Variants in LRP1 observed in about 807,000 individuals in gnomAD.
LRP1 encodes the protein LDL receptor related protein 1, also known as prolow-density lipoprotein receptor-related protein 1.
In LRP1, 51 loss-of-function variants were observed where a neutral mutation model predicts 541.5. The ratio of observed to expected loss-of-function variants is 0.09; its 90% CI spans 0.08 to 0.12. LRP1 has a LOEUF of 0.12. LRP1 is among the 10% of genes least tolerant of loss of function. The pLI, the probability that LRP1 is intolerant of heterozygous loss-of-function variation, is 1.00. For missense variants in LRP1, 3,878 were observed against 6,376.2 expected (o/e 0.61, Z 13.34); for synonymous variants, 2,219 against 2,470.8 (o/e 0.90, Z 3.02).
In LRP1 at chr12:57,210,329, C is replaced by T; in HGVS notation, c.12603C>T (p.Asn4201=). 2 of 1,572,292 alleles carry T rather than the reference C, an allele frequency of 1.3e-6. No individual in the cohort carries two copies. Among genetic ancestry groups the T allele is most frequent in the Non-Finnish European group, 8.6e-7 (1 of 1,158,312 alleles). The change falls in exon 82 of 89, where the codon AAC becomes AAT. Residue 4201 remains asparagine, a synonymous_variant. Coordinates refer to ENST00000243077, the MANE Select transcript of LRP1 (RefSeq NM_002332.3). ...CAGCTCCCCGGCCTGGAACCTGTAA[C>T]CTGCAGTGCTTCAACGGTGGCAGCT... The part of the protein sequence containing the change: ...PPDAPRPGTC[N]LQCFNGGSCF...
chr12:57,174,331 C>T (rs2036002287), intron 22 of LRP1, among the ~76,000 whole-genome samples: 1 of 152,180 alleles, frequency 6.6e-6, no homozygotes, highest in Admixed American at 6.5e-5. Flanking sequence ...GACTCAGACC[C>T]CTTGCCCACA....
At position 57,185,114 on chromosome 12, in the gene LRP1, C is replaced by A. The variant is rs1277255447; in HGVS notation, c.6372C>A (p.Ser2124Arg). Residue 2124 changes from serine to arginine, a missense_variant, in exon 40 of 89, where the codon AGC becomes AGA. This residue lies in a region of LRP1 where 1,100 missense variants were observed against 1,827.4 expected (regional missense o/e 0.60). Transcript: ENST00000243077. This position sits in a 1 kb window ranked among gnomAD's most constrained non-coding sequence, Gnocchi z 4.9. Reference sequence around the variant, plus strand: ...CCAACGGCTCTATCAAGCGCGGGAGCAAAGACAATGCCACAGACTCCGTGC... The same window carrying A: ...CCAACGGCTCTATCAAGCGCGGGAGAAAAGACAATGCCACAGACTCCGTGC... ...THANGSIKRG[S>R]KDNATDSVPL... The A allele has an allele frequency of 1.2e-6, 2 of 1,614,052 alleles. No individual in the cohort carries two copies. Among genetic ancestry groups the A allele is most frequent in the South Asian group, 2.2e-5 (2 of 91,086 alleles).
chr12:57,156,208 A>T lies in LRP1; in HGVS notation c.1342A>T (p.Thr448Ser). Residue 448 changes from threonine (T) to serine (S), a missense_variant, in exon 9 of 89, where the codon ACC becomes TCC. Physicochemically the swap from Thr to Ser is moderately conservative, Grantham distance 58. Transcript: ENST00000243077. The surrounding 1 kb of genome is among the most constrained non-coding windows in gnomAD (Gnocchi z 5.2). ...GATCCGTGTGAACCGCTTTAACAGC[A>T]CCGAGTACCAGGTTGTCACCCGGGT... ...SVIRVNRFNSTEYQVVTRVDK... is the reference protein window; with the variant it reads ...SVIRVNRFNSSEYQVVTRVDK... 6.2e-7 allele frequency: 1 copy of T among 1,614,134 alleles called. No individual in the cohort carries two copies. The highest frequency in any genetic ancestry group is 8.5e-7 in the Non-Finnish European group (1 of 1,180,038).
chr12:57,199,753 C>A, intron 61 of LRP1, 124 bp from the exon 62 acceptor site: 1 of 1,198,498 alleles, frequency 8.3e-7, no homozygotes, highest in Non-Finnish European at 1.2e-6. Flanking sequence ...CTATCTCCAG[C>A]TTCAGCTCCC....
rs1230306604 is a variant in LRP1 at position 57,211,007 on chromosome 12, T to C, written c.12916+128T>C. 3.5e-6 allele frequency: 5 copies of C among 1,423,530 alleles called. No homozygotes were observed. Among genetic ancestry groups the C allele is most frequent in the Non-Finnish European group, 4.7e-6 (5 of 1,057,126 alleles). 88.2% of individuals were successfully genotyped at this position (1,423,530 alleles called of 1,614,324 possible). On this transcript the variant is annotated intron_variant, in intron 83 of 88. Transcript: ENST00000243077. The surrounding 1 kb of genome is among the most constrained non-coding windows in gnomAD (Gnocchi z 4.3). ...TTCAGGAAAGAAGGCCTTATGCAGC[T>C]GAGCCAGGCCCAAGCTGCTGGCGCT... is the stretch of plus-strand genomic sequence containing the variant.
At chr12:57,176,184 T>G in intron 24 of LRP1, 78 bp downstream of exon 24, 2 of 1,470,900 alleles carry the variant, frequency 1.4e-6, no homozygotes, top group Non-Finnish European at 1.9e-6. Flanking sequence ...CCCATCCAAG[T>G]GGCCCCAAAG....
chr12:57,183,438 C>A lies in LRP1; in HGVS notation c.5722C>A (p.Pro1908Thr). The change falls in exon 35 of 89, where the codon CCC becomes ACC. Residue 1908 changes from proline (P) to threonine (T), a missense_variant. By Grantham distance (38) the Pro-to-Thr change is conservative (BLOSUM62 -1). Coordinates refer to ENST00000243077, the MANE Select transcript of LRP1 (RefSeq NM_002332.3). The surrounding 1 kb of genome is among the most constrained non-coding windows in gnomAD (Gnocchi z 6.1). ...GGGAATCAGGGGAATTCCCCTGGAT[C>A]CCAATGACAAGTCAGATGCCCTGGT... ...HEGIRGIPLD[P>T]NDKSDALVPV... 6.2e-7 allele frequency: 1 copy of A among 1,614,184 alleles called. No homozygotes were observed. The highest frequency in any genetic ancestry group is 8.5e-7 in the Non-Finnish European group (1 of 1,179,998).
chr12:57,209,969 C>T lies in LRP1; in HGVS notation c.12440-60C>T, dbSNP rs547716204. 11 of 1,583,658 alleles carry T rather than the reference C, an allele frequency of 6.9e-6. No individual in the cohort carries two copies. The South Asian group carries it at 1.2e-4, about 17-fold the overall frequency. On this transcript the variant is annotated intron_variant, in intron 80 of 88. Coordinates refer to ENST00000243077, the MANE Select transcript of LRP1 (RefSeq NM_002332.3). The stretch of plus-strand genomic sequence containing the variant: ...CTGGTGGAGAGGGGGTCACCCTGGG[C>T]TCACAGGGCTCAGAGAAGGGTCCTG...
chr12:57,191,931 C>CAT (rs2036409352), intron 44 of LRP1, among the ~76,000 whole-genome samples: 1 of 16,790 alleles, frequency 6.0e-5, no homozygotes, highest in Non-Finnish European at 1.1e-4. Context: ...CTACACATAC[C>CAT]ACACACACAC....
chr12:57,176,057 C>A lies in LRP1; in HGVS notation c.3942C>A (p.Thr1314=). 4 of 1,614,214 alleles carry A rather than the reference C, an allele frequency of 2.5e-6. No homozygotes were observed. The highest frequency in any genetic ancestry group is 3.4e-6 in the Non-Finnish European group (4 of 1,180,038). The change falls in exon 24 of 89, where the codon ACC becomes ACA. Residue 1314 remains threonine, a synonymous_variant. Transcript: ENST00000243077. ...FHLSQSALYW[T]DVVEDKIYRG... is the part of the protein sequence containing the mutation. ...TCAGCCAGAGCGCCCTCTACTGGAC[C>A]GACGTGGTGGAGGACAAGATCTACC...
At position 57,202,543 on chromosome 12, in the gene LRP1, T is replaced by TGGGGCCCCCC; in HGVS notation, c.10711+6_10711+7insGGGGCCCCCC. 5.9e-6 allele frequency: 9 copies of TGGGGCCCCCC among 1,523,598 alleles called. No individual in the cohort carries two copies. Among genetic ancestry groups the TGGGGCCCCCC allele is most frequent in the African/African-American group, 2.8e-5 (2 of 71,844 alleles). 94.4% of individuals were successfully genotyped at this position (1,523,598 alleles called of 1,614,324 possible). ...CTCCGATGAAGAGAGCTGCAGTACGTCCCCACCCACCCAGCCCCGCATGAG... is the reference window on the plus strand; with the variant it reads ...CTCCGATGAAGAGAGCTGCAGTACGTGGGGCCCCCCCCCCACCCACCCAGCCCCGCATGAG... On this transcript the variant is annotated splice_region_variant and intron_variant, in intron 68 of 88. Transcript: ENST00000243077.
chr12:57,192,126 CATACT>C (rs2036425114), intron 44 of LRP1, among the ~76,000 whole-genome samples: 1 of 149,424 alleles, frequency 6.7e-6, no homozygotes, highest in African/African-American at 2.5e-5. Flanking sequence ...ATCTCACAGA[CATACT>C]ATAAACACCC....
intron 1 of LRP1, among the ~76,000 whole-genome samples, chr12:57,131,723 A>G (rs1009836659): frequency 1.3e-5 from 2 of 152,064 alleles, no homozygotes; most frequent in African/African-American, 4.8e-5. Context: ...CTGCTTCACT[A>G]GACATCTTTT....
rs758544412 is a variant in LRP1 at position 57,210,424 on chromosome 12, T to A, written c.12698T>A (p.Leu4233Gln). The A allele has an allele frequency of 4.4e-6, 7 of 1,599,914 alleles. No homozygotes were observed. The highest frequency in any genetic ancestry group is 6.0e-6 in the Non-Finnish European group (7 of 1,171,836). ...CGCTACACGGGTGACAAGTGTGAAC[T>A]GGACCAGTGCTGGGAGCACTGTCGC... ...QPRYTGDKCE[L>Q]DQCWEHCRNG... Residue 4233 changes from leucine (L) to glutamine (Q), a missense_variant, in exon 82 of 89, where the codon CTG (leucine) becomes CAG (glutamine). By Grantham distance (113) the Leu-to-Gln change is moderately radical. This residue lies in a region of LRP1 where 871 missense variants were observed against 1,212.4 expected (regional missense o/e 0.72). Coordinates refer to ENST00000243077, the MANE Select transcript of LRP1 (RefSeq NM_002332.3).
In LRP1 at chr12:57,179,642, T is replaced by C; in HGVS notation, c.4966+86T>C. 6.9e-7 allele frequency: 1 copy of C among 1,438,982 alleles called. No homozygotes were observed. Among genetic ancestry groups the C allele is most frequent in the Non-Finnish European group, 9.7e-7 (1 of 1,032,746 alleles). 89.1% of individuals were successfully genotyped at this position (1,438,982 alleles called of 1,614,324 possible). On this transcript the variant is annotated intron_variant, in intron 29 of 88. Transcript: ENST00000243077. The surrounding 1 kb of genome is among the most constrained non-coding windows in gnomAD (Gnocchi z 6.8). ...CCAACCCTGGTCTACTTGGTCCGAG[T>C]GGTCCTTCTCCCAGTCCTGTTCCCC... is the stretch of plus-strand genomic sequence containing the variant.
chr12:57,137,491 T>C (rs1029511033), intron 1 of LRP1, among the ~76,000 whole-genome samples: 3 of 152,106 alleles, frequency 2.0e-5, no homozygotes, highest in African/African-American at 7.2e-5. Context: ...TTCTTAACTC[T>C]AAGGATGTCT....
At position 57,212,258 on chromosome 12, in the gene LRP1, C is replaced by A; in HGVS notation, c.13491C>A (p.Asp4497Glu). 1.2e-6 allele frequency: 2 copies of A among 1,613,006 alleles called. No individual in the cohort carries two copies. Among genetic ancestry groups the A allele is most frequent in the Non-Finnish European group, 1.7e-6 (2 of 1,179,466 alleles). ...LLDADFALDP[D>E]KPTNFTNPVY... ...ACGCTGACTTTGCCCTGGACCCTGA[C>A]AAGGTGGGCTGGGAGGCGGGCAGGG... Residue 4497 changes from aspartate to glutamate, a missense_variant, in exon 88 of 89, where the codon GAC becomes GAA. Around this residue, in one of 13 missense-constraint regions of LRP1, gnomAD observed 871 missense variants for 1,212.4 expected, o/e 0.72. Transcript: ENST00000243077. This position sits in a 1 kb window ranked among gnomAD's most constrained non-coding sequence, Gnocchi z 5.0.
chr12:57,173,729 G>A lies in LRP1; in HGVS notation c.3347-51G>A, dbSNP rs768014827. ...CCACAGGGTCTGGAAGGAAGGGCAG[G>A]GGGAGCCCCAGTCCCCGGGCCTGGG... On this transcript the variant is annotated intron_variant, in intron 21 of 88. Transcript: ENST00000243077. The surrounding 1 kb of genome is among the most constrained non-coding windows in gnomAD (Gnocchi z 4.7). 1.9e-6 allele frequency: 3 copies of A among 1,587,748 alleles called. No individual in the cohort carries two copies. Among genetic ancestry groups the A allele is most frequent in the Non-Finnish European group, 2.6e-6 (3 of 1,156,700 alleles).
At chr12:57,195,553 C>T in intron 52 of LRP1, 105 bp from the exon 53 acceptor site, 2 of 1,587,172 alleles carry the variant, frequency 1.3e-6, no homozygotes, top group South Asian at 1.1e-5. Context: ...ACTCCTCATC[C>T]AGTGCCCTGC....
Sources: gnomAD v4.1 joint callset for allele counts (sites outside exome capture counted in the v4.1 genomes callset) on GRCh38, gnomAD v4.1.1 for gene constraint, gnomAD v4.1.1 regional missense constraint, Gnocchi (gnomAD v3.1) non-coding constraint, MANE v1.5 for transcripts, NCBI Gene and HGNC (gene_info 2026-07-23, HGNC 2026-07-21) for gene names.